SORCS3: variants seen among roughly 807,000 people sequenced by gnomAD.
The protein encoded by SORCS3 is VPS10 domain-containing receptor SorCS3.
In SORCS3, 57 loss-of-function variants were observed where a neutral mutation model predicts 146.3. The observed-to-expected ratio is 0.39, with a 90% CI of 0.31 to 0.49. SORCS3 has a LOEUF of 0.49. Ranked by LOEUF, SORCS3 falls within the 20% of genes least tolerant of loss-of-function variation. SORCS3 has a pLI of 0.92. For missense variants in SORCS3, 1,341 were observed against 1,575.5 expected, an observed-to-expected ratio of 0.85 and a Z score of 2.52; for synonymous variants, 653 against 618.5, an observed-to-expected ratio of 1.06 and a Z score of -0.83.
chr10:105,063,642 C>T (rs2055502604), intron 5 of SORCS3, among the ~76,000 whole-genome samples: 1 of 152,050 alleles, frequency 6.6e-6, no homozygotes, highest in South Asian at 2.1e-4. Context: ...GGAGGTAGAC[C>T]CAGTAAATTG....
chr10:105,137,831 A>G (rs7076332), intron 7 of SORCS3, among the ~76,000 whole-genome samples: 77,386 of 152,064 alleles, frequency 0.51, 19,977 homozygotes, highest in Admixed American at 0.55. Flanking sequence ...TGGGTTAGCA[A>G]GTATGTTTAC....
intron 1 of SORCS3, among the ~76,000 whole-genome samples, chr10:104,794,834 G>C (rs568720547): frequency 6.6e-6 from 1 of 152,040 alleles, no homozygotes; most frequent in Non-Finnish European, 1.5e-5. Context: ...CCTTTCCCTC[G>C]GGATAGTGTA....
At chr10:104,871,025 G>A (rs1303701008) in intron 2 of SORCS3, among the ~76,000 whole-genome samples, 1 of 152,188 alleles carries the variant, frequency 6.6e-6, no homozygotes, top group Non-Finnish European at 1.5e-5. Flanking sequence ...CCATACTCAT[G>A]GGGGCAGGGA....
intron 1 of SORCS3, among the ~76,000 whole-genome samples, chr10:104,753,126 G>A (rs1194586830): frequency 2.6e-5 from 4 of 152,138 alleles, no homozygotes; most frequent in Non-Finnish European, 5.9e-5. Flanking sequence ...GTTGTACCTG[G>A]CTAGCTATAT....
chr10:104,690,483 G>C (rs2016098706), intron 1 of SORCS3, among the ~76,000 whole-genome samples: 1 of 152,202 alleles, frequency 6.6e-6, no homozygotes, highest in Admixed American at 6.5e-5. Flanking sequence ...TTTGCCCAAA[G>C]TCACAGGGTT....
chr10:104,899,404 G>A (rs1207427066), intron 2 of SORCS3, among the ~76,000 whole-genome samples: 1 of 152,194 alleles, frequency 6.6e-6, no homozygotes, highest in Non-Finnish European at 1.5e-5. Flanking sequence ...GAGGGTTTCA[G>A]GCCAGGGATG....
chr10:104,985,810 C>CT (rs1050728427), intron 4 of SORCS3, among the ~76,000 whole-genome samples: 1 of 152,070 alleles, frequency 6.6e-6, no homozygotes, highest in African/African-American at 2.4e-5. Flanking sequence ...TGGGAGGAAT[C>CT]TTTTTTTCTT....
rs763246892 is a variant in SORCS3 at position 105,105,493 on chromosome 10, A to G, written c.1190A>G (p.Gln397Arg). The change falls in exon 7 of 27, where the codon CAG becomes CGG. Residue 397 changes from glutamine to arginine, a missense_variant. Transcript: ENST00000369701. ...RSIDISSLVVQDEYIFIQVTT... is the reference protein window; with the variant it reads ...RSIDISSLVVRDEYIFIQVTT... The stretch of plus-strand genomic sequence containing the variant: ...ATTGACATCAGTTCCCTGGTTGTCC[A>G]GGATGAATATATCTTCATTCAGGTG... 6.2e-7 allele frequency: 1 copy of G among 1,612,302 alleles called. No individual in the cohort carries two copies.
chr10:105,052,541 T>TA (rs1320282309), intron 5 of SORCS3, among the ~76,000 whole-genome samples: 15 of 152,124 alleles, frequency 9.9e-5, no homozygotes, highest in African/African-American at 3.6e-4. Context: ...TTCAGGGCCT[T>TA]ATTGTCTATG....
intron 1 of SORCS3, among the ~76,000 whole-genome samples, chr10:104,840,261 C>T (rs558785156): frequency 6.6e-6 from 1 of 152,186 alleles, no homozygotes; most frequent in Non-Finnish European, 1.5e-5. Flanking sequence ...ATCTGCAGAA[C>T]GCCTGCGTCT....
intron 13 of SORCS3, among the ~76,000 whole-genome samples, chr10:105,168,054 A>G (rs951672285): frequency 2.0e-5 from 3 of 152,214 alleles, no homozygotes; most frequent in African/African-American, 7.2e-5. Flanking sequence ...TTCTACAATC[A>G]GATCAAGTCA....
intron 2 of SORCS3, among the ~76,000 whole-genome samples, chr10:104,876,760 T>TTTCTCTTCCTTC (rs1554856391): frequency 8.4e-6 from 1 of 119,392 alleles, no homozygotes; most frequent in African/African-American, 3.6e-5. Context: ...TCTTTCTTTC[T>TTTCTCTTCCTTC]CTTCCTTCCT....
intron 4 of SORCS3, among the ~76,000 whole-genome samples, chr10:105,010,493 A>G (rs2055128383): frequency 6.6e-6 from 1 of 152,248 alleles, no homozygotes; most frequent in Non-Finnish European, 1.5e-5. Context: ...TCTGAAGATT[A>G]TATACCTTTT....
At chr10:104,847,552 ACCACAGGTATGCAGTCC>A (rs1451181050) in intron 2 of SORCS3, among the ~76,000 whole-genome samples, 21 of 152,212 alleles carry the variant, frequency 1.4e-4, no homozygotes, top group Non-Finnish European at 3.1e-4. Flanking sequence ...GTGTGAGGTC[ACCACAGGTATGCAGTCC>A]CCACAGGTGC....
intron 1 of SORCS3, among the ~76,000 whole-genome samples, chr10:104,766,766 G>T (rs190686339): frequency 1.3e-5 from 2 of 152,164 alleles, no homozygotes; most frequent in African/African-American, 4.8e-5. Flanking sequence ...AGAAGATGTG[G>T]GGCCACGGTA....
At chr10:105,097,334 A>C (rs2055753663) in intron 6 of SORCS3, among the ~76,000 whole-genome samples, 1 of 152,200 alleles carries the variant, frequency 6.6e-6, no homozygotes, top group South Asian at 2.1e-4. Context: ...TGTGCGAATA[A>C]TCCTATTTCT....
chr10:105,218,358 T>A (rs577774369), intron 19 of SORCS3, among the ~76,000 whole-genome samples: 3 of 152,360 alleles, frequency 2.0e-5, no homozygotes, highest in Admixed American at 2.0e-4. Flanking sequence ...AAACACCCAA[T>A]CATTCACTAA....
intron 4 of SORCS3, among the ~76,000 whole-genome samples, chr10:105,040,878 A>G (rs1282858990): frequency 6.6e-6 from 1 of 151,724 alleles, no homozygotes; most frequent in African/African-American, 2.4e-5. Flanking sequence ...GTGATCAGCC[A>G]AATCATGTAT....
At chr10:105,086,451 C>T (rs1184709103) in intron 5 of SORCS3, among the ~76,000 whole-genome samples, 8 of 149,430 alleles carry the variant, frequency 5.4e-5, no homozygotes, top group South Asian at 2.2e-4. Context: ...GAGCTGGTGA[C>T]GAGGGAAGGC....
Sources: allele counts gnomAD v4.1 joint callset (sites outside exome capture counted in the v4.1 genomes callset), GRCh38; gene constraint gnomAD v4.1.1; transcripts MANE v1.5; gene names NCBI Gene and HGNC (gene_info 2026-07-23, HGNC 2026-07-21).